RTN4IP1: variants seen among roughly 807,000 people sequenced by gnomAD.
RTN4IP1 encodes NAD(P)H oxidoreductase RTN4IP1, mitochondrial.
Under a neutral mutation model 46.6 loss-of-function variants are expected in RTN4IP1, and 32 were observed. The ratio of observed to expected loss-of-function variants is 0.69; its 90% CI spans 0.52 to 0.92. The LOEUF is 0.92. RTN4IP1 is among the 40% of genes least tolerant of loss of function. The pLI is 0.00. For synonymous variants in RTN4IP1, 167 were observed against 161.8 expected, an observed-to-expected ratio of 1.03 and a Z score of -0.24; for missense variants, 424 against 485.8, an observed-to-expected ratio of 0.87 and a Z score of 1.20.
intron 4 of RTN4IP1, among the ~76,000 whole-genome samples, chr6:106,609,536 A>C (rs1296600305): frequency 6.6e-6 from 1 of 152,218 alleles, no homozygotes; most frequent in Non-Finnish European, 1.5e-5. Context: ...CTCTAAAAAA[A>C]GAAATCATCC....
intron 6 of RTN4IP1, 45 bp from the exon 7 acceptor site, chr6:106,587,907 A>G (rs1775526256): frequency 1.3e-6 from 2 of 1,519,602 alleles, no homozygotes; most frequent in Non-Finnish European, 1.8e-6. Flanking sequence ...CAGGCTTTAC[A>G]CTGGACTCTG....
At chr6:106,604,087 A>G (rs1776004688) in intron 4 of RTN4IP1, among the ~76,000 whole-genome samples, 1 of 152,202 alleles carries the variant, frequency 6.6e-6, no homozygotes, top group Non-Finnish European at 1.5e-5. Context: ...GCTGCTGGAA[A>G]GTGCAGGGAA....
At chr6:106,592,708 G>A (rs1775693638) in intron 5 of RTN4IP1, among the ~76,000 whole-genome samples, 1 of 152,150 alleles carries the variant, frequency 6.6e-6, no homozygotes. Flanking sequence ...TGGATCACCT[G>A]AGGTCAGGAG....
chr6:106,583,832 A>G (rs113240920), intron 7 of RTN4IP1, among the ~76,000 whole-genome samples: 127 of 152,344 alleles, frequency 8.3e-4, no homozygotes, highest in African/African-American at 2.9e-3. Flanking sequence ...CACCAAATTC[A>G]AAAATGTTTT....
At chr6:106,575,903 C>T (rs184910387) in intron 8 of RTN4IP1, among the ~76,000 whole-genome samples, 56 of 152,298 alleles carry the variant, frequency 3.7e-4, no homozygotes, top group African/African-American at 1.2e-3. Context: ...CCACCAGGCA[C>T]AGAGGCTGCA....
In RTN4IP1 at chr6:106,628,985, C is replaced by T; in HGVS notation, c.37G>A (p.Ala13Thr). ...FLKTCVLRRN[A>T]CTAVCFWRSK... is the part of the protein sequence containing the mutation. ...CTCCAGAAGCAAACCGCAGTGCATG[C>T]ATTTCTTCTAAGTACACAAGTCTTC... The change falls in exon 1 of 9, where the codon GCA (alanine) becomes ACA (threonine). Residue 13 changes from alanine (A) to threonine (T), a missense_variant. Ala to Thr is a moderately conservative substitution (Grantham distance 58). Coordinates refer to ENST00000369063, the MANE Select transcript of RTN4IP1 (RefSeq NM_032730.5). 1 of 1,613,854 alleles carries T rather than the reference C, an allele frequency of 6.2e-7. No individual in the cohort carries two copies. The highest frequency in any genetic ancestry group is 8.5e-7 in the Non-Finnish European group (1 of 1,179,932).
intron 7 of RTN4IP1, among the ~76,000 whole-genome samples, chr6:106,583,877 A>G (rs889563112): frequency 2.0e-5 from 3 of 152,340 alleles, no homozygotes; most frequent in South Asian, 2.1e-4. Flanking sequence ...GATCTTAGAC[A>G]AGAAGCCCAA....
At chr6:106,612,944 G>A (rs1666106724) in intron 4 of RTN4IP1, among the ~76,000 whole-genome samples, 1 of 152,126 alleles carries the variant, frequency 6.6e-6, no homozygotes, top group South Asian at 2.1e-4. Context: ...CCATCTGTAA[G>A]GGCGCACCCT....
intron 4 of RTN4IP1, among the ~76,000 whole-genome samples, chr6:106,606,536 C>CA (rs200912308): frequency 8.5e-4 from 129 of 151,922 alleles, no homozygotes; most frequent in African/African-American, 3.0e-3. Flanking sequence ...ACAATAGCTA[C>CA]AAAAAAACCA....
intron 6 of RTN4IP1, among the ~76,000 whole-genome samples, chr6:106,590,714 CAAAA>C (rs35293436): frequency 1.5e-5 from 1 of 68,522 alleles, no homozygotes; most frequent in Non-Finnish European, 2.6e-5. Context: ...GAATCCATCT[CAAAA>C]AAAAAAAAAA....
chr6:106,602,159 G>T (rs563862063), intron 5 of RTN4IP1, among the ~76,000 whole-genome samples: 12 of 152,202 alleles, frequency 7.9e-5, no homozygotes, highest in African/African-American at 2.6e-4. Flanking sequence ...TCTGTAGTAA[G>T]TTTGAAATCA....
intron 8 of RTN4IP1, among the ~76,000 whole-genome samples, chr6:106,574,893 AG>A (rs1475144613): frequency 6.6e-6 from 1 of 152,256 alleles, no homozygotes; most frequent in Non-Finnish European, 1.5e-5. Context: ...CTGGCTGGTC[AG>A]GCCTATTGTG....
intron 4 of RTN4IP1, among the ~76,000 whole-genome samples, chr6:106,603,521 G>A (rs931129513): frequency 6.6e-6 from 1 of 152,154 alleles, no homozygotes; most frequent in Non-Finnish European, 1.5e-5. Context: ...AGACCAGGGT[G>A]CTGAGCCTGG....
At chr6:106,581,218 G>A (rs1419019752) in intron 8 of RTN4IP1, among the ~76,000 whole-genome samples, 1 of 152,114 alleles carries the variant, frequency 6.6e-6, no homozygotes, top group Non-Finnish European at 1.5e-5. Context: ...TGAACCTTAT[G>A]AATGTATTTT....
At position 106,587,826 on chromosome 6, in the gene RTN4IP1, A is replaced by C; in HGVS notation, c.843T>G (p.Thr281=). Residue 281 remains threonine (T), a synonymous_variant, in exon 7 of 9, where the codon ACT becomes ACG. Transcript: ENST00000369063. ...TGAGAAAATCTGGAGCCCATGTTTC[A>C]GTGGATCCGCCAACATTATCAAGGA... ...DFILDNVGGS[T]ETWAPDFLKK... is the part of the protein sequence containing the mutation. 6.2e-7 allele frequency: 1 copy of C among 1,613,678 alleles called. No individual in the cohort carries two copies. The highest frequency in any genetic ancestry group is 8.5e-7 in the Non-Finnish European group (1 of 1,179,856).
Position 106,609,651 on chromosome 6 carries a change from A to C in RTN4IP1, c.621-6729T>G, listed in dbSNP as rs185624840. ...GCATTCAAGTTTCTTCCAGTAAAGA[A>C]AAGCTTGAAAATAATTTCTAATTCT... On this transcript the variant is annotated intron_variant, in intron 4 of 8. Transcript: ENST00000369063. Among the ~76,000 whole-genome samples the C allele has an allele frequency of 1.6e-4, 24 of 152,356 alleles. No homozygotes were observed. The East Asian group carries it at 4.6e-3, about 29-fold the overall frequency.
Position 106,622,837 on chromosome 6 carries a change from T to C in RTN4IP1, c.407A>G (p.Tyr136Cys). ...ACTCACCTCATCTCCAGGCTTGAAG[T>C]ATTTCACATCAAGCCCACATTCCAT... ...VVMECGLDVK[Y>C]FKPGDEVWAA... The change falls in exon 2 of 9, where the codon TAC (tyrosine) becomes TGC (cysteine). Residue 136 changes from tyrosine (Y) to cysteine (C), a missense_variant. Coordinates refer to ENST00000369063, the MANE Select transcript of RTN4IP1 (RefSeq NM_032730.5). 1 of 1,613,536 alleles carries C rather than the reference T, an allele frequency of 6.2e-7. No individual in the cohort carries two copies. The highest frequency in any genetic ancestry group is 8.5e-7 in the Non-Finnish European group (1 of 1,179,754).
chr6:106,581,109 AG>A (rs1422141245), intron 8 of RTN4IP1, among the ~76,000 whole-genome samples: 15 of 152,280 alleles, frequency 9.9e-5, no homozygotes, highest in Admixed American at 9.2e-4. Flanking sequence ...CCAAGAAACT[AG>A]TAATATTGGT....
rs1394642754 is a variant in RTN4IP1 at position 106,598,454 on chromosome 6, G to T, written c.669+4420C>A. Among the ~76,000 whole-genome samples, 511 of 150,588 alleles carry T rather than the reference G, an allele frequency of 3.4e-3. 7 individuals carry two copies. Among genetic ancestry groups the T allele is most frequent in the African/African-American group, 0.012 (479 of 41,154 alleles). Reference sequence around the variant, plus strand: ...CATTTCTCTGATGGCCAGTGATGATGAGCATTTTTTCATGTGTTTTTTGGC... The same window carrying T: ...CATTTCTCTGATGGCCAGTGATGATTAGCATTTTTTCATGTGTTTTTTGGC... On this transcript the variant is annotated intron_variant, in intron 5 of 8. Transcript: ENST00000369063.
Sources: allele counts gnomAD v4.1 joint callset (sites outside exome capture counted in the v4.1 genomes callset), GRCh38; gene constraint gnomAD v4.1.1; transcripts MANE v1.5; gene names NCBI Gene and HGNC (gene_info 2026-07-23, HGNC 2026-07-21).